ZFHX3: variants seen among roughly 807,000 people sequenced by gnomAD.
The protein encoded by ZFHX3 is zinc finger homeobox 3.
A neutral mutation model predicts 279.1 loss-of-function variants in ZFHX3; 42 were observed. The observed-to-expected ratio is 0.15, with a 90% confidence interval of 0.12 to 0.19. The LOEUF (loss-of-function observed/expected upper bound fraction) is 0.19, where lower values mean the gene tolerates loss of function less well. Ranked by LOEUF, ZFHX3 falls within the 10% of genes least tolerant of loss-of-function variation. The probability of loss-of-function intolerance (pLI) is 1.00; values close to 1 mark genes in which losing one functional copy is unlikely to be tolerated. For missense variants in ZFHX3, 4,981 were observed against 4,754.0 expected (o/e 1.05, Z -1.40); for synonymous variants, 2,293 against 1,957.8 (o/e 1.17, Z -4.52).
At chr16:73,090,505 G>A (rs538608233) in intron 8 of ZFHX3, among the ~76,000 whole-genome samples, 167 of 152,288 alleles carry the variant, frequency 1.1e-3, no homozygotes, top group Non-Finnish European at 2.1e-3. Flanking sequence ...TGAGTGCCAC[G>A]TGCTTATCAC....
intron 2 of ZFHX3, among the ~76,000 whole-genome samples, chr16:73,533,131 T>G (rs1290466312): frequency 6.6e-6 from 1 of 152,118 alleles, no homozygotes; most frequent in Admixed American, 6.6e-5. Flanking sequence ...TATCTATCCA[T>G]GTGCTGTCTC....
intron 1 of ZFHX3, among the ~76,000 whole-genome samples, chr16:73,818,268 A>C (rs1960634379): frequency 6.6e-6 from 1 of 152,214 alleles, no homozygotes; most frequent in Non-Finnish European, 1.5e-5. Context: ...CAATGTAGTT[A>C]ATTAATATCT....
chr16:73,750,934 C>A (rs887057874), intron 1 of ZFHX3, among the ~76,000 whole-genome samples: 1 of 152,142 alleles, frequency 6.6e-6, no homozygotes, highest in Non-Finnish European at 1.5e-5. Flanking sequence ...ACTATGATAA[C>A]CATCTACTGA....
intron 5 of ZFHX3, among the ~76,000 whole-genome samples, chr16:73,188,989 A>G (rs985182981): frequency 1.1e-4 from 16 of 150,754 alleles, no homozygotes; most frequent in Admixed American, 3.3e-4. Context: ...TCAGCCTCCC[A>G]AGTAGCTGGG....
chr16:73,211,728 G>T (rs1003430877), intron 5 of ZFHX3, among the ~76,000 whole-genome samples: 42 of 151,156 alleles, frequency 2.8e-4, no homozygotes, highest in Admixed American at 9.2e-4. Context: ...TTATGATTTT[G>T]ATTATTTAAA....
At chr16:72,905,349 C>T (rs938198038) in intron 3 of ZFHX3, among the ~76,000 whole-genome samples, 4 of 152,104 alleles carry the variant, frequency 2.6e-5, no homozygotes, top group Non-Finnish European at 1.5e-5. Flanking sequence ...CAAAAGGGCT[C>T]GCCCCTCCCC....
At chr16:73,150,161 G>GC (rs1214172867) in intron 5 of ZFHX3, among the ~76,000 whole-genome samples, 7 of 152,248 alleles carry the variant, frequency 4.6e-5, no homozygotes, top group African/African-American at 1.7e-4. Context: ...GAGGCTCCAG[G>GC]CCCCTTTGGA....
chr16:73,601,280 G>A (rs34262596), intron 2 of ZFHX3, among the ~76,000 whole-genome samples: 11,987 of 140,464 alleles, frequency 0.085, 693 homozygotes, highest in Non-Finnish European at 0.12. Flanking sequence ...GTGAAACCCC[G>A]TCTCTACTAC....
At chr16:73,062,523 G>A (rs1002241002), upstream of ZFHX3, among the ~76,000 whole-genome samples, 7 of 152,206 alleles carry the variant, frequency 4.6e-5, no homozygotes, top group African/African-American at 7.2e-5. Flanking sequence ...GTGAATTTGA[G>A]TAAGAATCTG....
At chr16:72,858,328 C>T (rs1312703215) in intron 4 of ZFHX3, among the ~76,000 whole-genome samples, 1 of 152,210 alleles carries the variant, frequency 6.6e-6, no homozygotes, top group Non-Finnish European at 1.5e-5. Flanking sequence ...GTAATTCAAG[C>T]GACACTGATG....
chr16:72,895,103 C>T (rs572509601), intron 3 of ZFHX3, among the ~76,000 whole-genome samples: 17 of 152,316 alleles, frequency 1.1e-4, no homozygotes, highest in Non-Finnish European at 2.2e-4. Context: ...TAAGTGTCTA[C>T]AACACGAGAC....
At chr16:72,950,334 C>A (rs755861332) in intron 3 of ZFHX3, 135 bp downstream of exon 3, 31 of 1,387,300 alleles carry the variant, frequency 2.2e-5, no homozygotes, top group Non-Finnish European at 2.8e-5. Flanking sequence ...CTCCTCTCAA[C>A]TCCAGGTTCC....
intron 4 of ZFHX3, among the ~76,000 whole-genome samples, chr16:72,865,134 TGAGA>T (rs2037983724): frequency 6.6e-6 from 1 of 152,168 alleles, no homozygotes; most frequent in East Asian, 1.9e-4. Flanking sequence ...CTTAGGAACC[TGAGA>T]GAGAGGCTTT....
chr16:73,619,658 C>T (rs755049518), intron 2 of ZFHX3, among the ~76,000 whole-genome samples: 59 of 151,912 alleles, frequency 3.9e-4, no homozygotes, highest in Non-Finnish European at 7.5e-4. Flanking sequence ...AAGTGTATTT[C>T]TACCTTTTCT....
chr16:73,287,593 TG>T (rs2014655062), intron 4 of ZFHX3, among the ~76,000 whole-genome samples: 1 of 136,638 alleles, frequency 7.3e-6, no homozygotes, highest in African/African-American at 2.8e-5. Flanking sequence ...GGTTGGTGAG[TG>T]GCTGTGTGGG....
intron 2 of ZFHX3, among the ~76,000 whole-genome samples, chr16:73,466,135 C>T (rs546395396): frequency 6.6e-6 from 1 of 152,118 alleles, no homozygotes; most frequent in East Asian, 1.9e-4. Context: ...CTCTACAAAG[C>T]AGGAGGCCCA....
chr16:73,058,561 C>T, exon 1 of ZFHX3: 4 of 204,350 alleles, frequency 2.0e-5, no homozygotes, highest in East Asian at 9.1e-5. Context: ...GCGGCTGCAG[C>T]GGCGCTGCTG....
intron 2 of ZFHX3, among the ~76,000 whole-genome samples, chr16:73,464,030 G>T (rs911236728): frequency 2.0e-5 from 3 of 152,148 alleles, no homozygotes; most frequent in Non-Finnish European, 4.4e-5. Flanking sequence ...CATTTAAGTG[G>T]ATGCAAACCA....
At chr16:73,622,530 C>G (rs999949274) in intron 2 of ZFHX3, among the ~76,000 whole-genome samples, 2 of 151,902 alleles carry the variant, frequency 1.3e-5, no homozygotes, top group Admixed American at 1.3e-4. Context: ...CCACTGCACT[C>G]CAGCTTGGGC....
Sources: gnomAD v4.1 joint callset for allele counts (sites outside exome capture counted in the v4.1 genomes callset) on GRCh38, gnomAD v4.1.1 for gene constraint, MANE v1.5 for transcripts, NCBI Gene and HGNC (gene_info 2026-07-23, HGNC 2026-07-21) for gene names.